Variants in BRI3 observed in about 807,000 individuals in gnomAD.
BRI3 encodes membrane protein BRI3.
In BRI3, 6 loss-of-function variants were observed where a neutral mutation model predicts 12.8. That is an observed-to-expected ratio of 0.47 (90% CI 0.26 to 0.93). The LOEUF (loss-of-function observed/expected upper bound fraction) is 0.93, where lower values mean the gene tolerates loss of function less well. Ranked by LOEUF, BRI3 falls within the 40% of genes least tolerant of loss-of-function variation. BRI3 has a pLI of 0.15. For missense variants in BRI3, 134 were observed against 171.1 expected (o/e 0.78, Z 1.21); for synonymous variants, 91 against 76.1 (o/e 1.20, Z -1.02).
At chr7:98,306,827 C>T in intron 1 of BRI3, 4 of 371,476 alleles carry the variant, frequency 1.1e-5, no homozygotes, top group Non-Finnish European at 2.0e-5. Context: ...CCTGCCTCAG[C>T]ATCCGAGTAG....
downstream of BRI3, chr7:98,310,733 C>T: frequency 1.5e-6 from 1 of 667,808 alleles, no homozygotes. Flanking sequence ...GTTGCCCAGG[C>T]TGGAGTACAG....
intron 2 of BRI3, among the ~76,000 whole-genome samples, chr7:98,287,975 T>TG (rs1254388562): frequency 6.6e-6 from 1 of 152,142 alleles, no homozygotes; most frequent in Non-Finnish European, 1.5e-5. Flanking sequence ...GCTTTGGTCC[T>TG]GAGGTGAGGT....
the BRI3 span, chr7:98,315,604 C>T: frequency 7.5e-7 from 1 of 1,331,360 alleles, no homozygotes; most frequent in South Asian, 2.1e-5. Flanking sequence ...AAGTAACGGT[C>T]TCCACATACT....
At chr7:98,322,463 C>T in the BRI3 span, among the ~76,000 whole-genome samples, 2 of 152,156 alleles carry the variant, frequency 1.3e-5, no homozygotes, top group Non-Finnish European at 2.9e-5. Context: ...CAACTTCTCG[C>T]CCATGTGTAA....
At chr7:98,307,839 A>T in exon 2 of BRI3, 1 of 1,614,226 alleles carries the variant, frequency 6.2e-7, no homozygotes, top group Non-Finnish European at 8.5e-7. Flanking sequence ...CTTCTTCATC[A>T]TGTTCAGTCC....
At chr7:98,302,887 C>T (rs1035657310), upstream of BRI3, among the ~76,000 whole-genome samples, 1 of 152,128 alleles carries the variant, frequency 6.6e-6, no homozygotes, top group Non-Finnish European at 1.5e-5. Context: ...TGGGTTCAGG[C>T]TATCCTCCCA....
the BRI3 span, among the ~76,000 whole-genome samples, chr7:98,319,676 A>G: frequency 2.0e-5 from 3 of 151,406 alleles, no homozygotes; most frequent in Non-Finnish European, 4.4e-5. Flanking sequence ...CCTCCCGAGT[A>G]GCTGGGATGA....
chr7:98,288,109 T>C (rs1319875598), intron 2 of BRI3, among the ~76,000 whole-genome samples: 1 of 152,204 alleles, frequency 6.6e-6, no homozygotes, highest in Non-Finnish European at 1.5e-5. Flanking sequence ...GTCTGCTTTT[T>C]CATGGGACAT....
At position 98,291,454 on chromosome 7, in the gene BRI3, TTTA is replaced by T; in HGVS notation, c.*214_*216del. On this transcript the variant is annotated 3_prime_UTR_variant, in exon 3 of 3. Transcript: ENST00000297290. ...CATGACAACTCAATAAAGCACTGCT[TTTA>T]TTTTTTGCAGTCTTCAATTTGAGAA... 2 of 1,371,394 alleles carry T rather than the reference TTTA, an allele frequency of 1.5e-6. No homozygotes were observed. The highest frequency in any genetic ancestry group is 1.9e-6 in the Non-Finnish European group (2 of 1,063,814). The allele number at this position is 1,371,394 out of a possible 1,614,324, so 85.0% of individuals were successfully genotyped here.
intron 2 of BRI3, among the ~76,000 whole-genome samples, chr7:98,289,166 C>A (rs148649291): frequency 1.3e-5 from 2 of 152,142 alleles, no homozygotes; most frequent in African/African-American, 4.8e-5. Context: ...CCATGTTGAC[C>A]AGGCTGGTCT....
chr7:98,289,141 A>C (rs1799812584), intron 2 of BRI3, among the ~76,000 whole-genome samples: 1 of 152,062 alleles, frequency 6.6e-6, no homozygotes, highest in African/African-American at 2.4e-5. Flanking sequence ...TATTTTTAGT[A>C]GAAACGCGGT....
At chr7:98,307,122 A>ATTTTTTTTTTTTTT (rs1800688962) in intron 1 of BRI3, 2 of 158,496 alleles carry the variant, frequency 1.3e-5, no homozygotes, top group Non-Finnish European at 2.8e-5. Flanking sequence ...AATTTTATTT[A>ATTTTTTTTTTTTTT]TTTTTTTGAG....
intron 2 of BRI3, among the ~76,000 whole-genome samples, chr7:98,285,147 A>G (rs1387420930): frequency 6.6e-6 from 1 of 152,144 alleles, no homozygotes; most frequent in East Asian, 1.9e-4. Context: ...GAAATCCTGG[A>G]AAGGATTTCA....
Position 98,281,697 on chromosome 7 carries a change from A to C in BRI3, c.-99A>C. ...CCCGCGTCTGCCTCAGAGGGGCCCG[A>C]GCCACCCGGTCCGCCGCGTCCCCGC... On this transcript the variant is annotated 5_prime_UTR_variant, in exon 1 of 3. Transcript: ENST00000297290. The C allele has an allele frequency of 2.5e-6, 1 of 394,732 alleles. No individual in the cohort carries two copies. The highest frequency in any genetic ancestry group is 3.4e-6 in the Non-Finnish European group (1 of 295,158). 24.5% of individuals were successfully genotyped at this position (394,732 alleles called of 1,614,324 possible). A position where few individuals can be genotyped will look rare whatever the true frequency, so the allele number is the denominator to read the frequency against.
At chr7:98,319,483 A>T in the BRI3 span, among the ~76,000 whole-genome samples, 70 of 151,872 alleles carry the variant, frequency 4.6e-4, no homozygotes, top group Non-Finnish European at 8.8e-4. Flanking sequence ...TACAGCGTGA[A>T]TGTATTCTGT....
intron 2 of BRI3, among the ~76,000 whole-genome samples, chr7:98,290,868 C>T (rs942150616): frequency 6.6e-6 from 1 of 152,236 alleles, no homozygotes; most frequent in Non-Finnish European, 1.5e-5. Context: ...TTGAATGTTA[C>T]ATGTAGTGAT....
chr7:98,293,475 C>T (rs374411124), downstream of BRI3: 231 of 1,568,820 alleles, frequency 1.5e-4, no homozygotes, highest in Non-Finnish European at 1.9e-4. Context: ...CCCATCATTC[C>T]GCAAGGGAGA....
chr7:98,299,775 T>G (rs1461248785), intron 1 of BRI3, among the ~76,000 whole-genome samples: 1 of 152,212 alleles, frequency 6.6e-6, no homozygotes, highest in African/African-American at 2.4e-5. Flanking sequence ...GCGCAGTGAC[T>G]CACGCCTATA....
intron 1 of BRI3, among the ~76,000 whole-genome samples, chr7:98,298,187 C>T (rs1800268841): frequency 6.6e-6 from 1 of 152,240 alleles, no homozygotes. Flanking sequence ...TAAGACGCGC[C>T]GTCACAGGAC....
Sources: allele counts gnomAD v4.1 joint callset (sites outside exome capture counted in the v4.1 genomes callset), GRCh38; gene constraint gnomAD v4.1.1; transcripts MANE v1.5; gene names NCBI Gene and HGNC (gene_info 2026-07-23, HGNC 2026-07-21).